The following WDR45B variants were observed in gnomAD, a reference collection of about 807,000 sequenced individuals.
The protein encoded by WDR45B is WD repeat domain phosphoinositide-interacting protein 3.
WDR45B carries 20 observed loss-of-function variants against 44.6 expected under a neutral mutation model. The ratio of observed to expected loss-of-function variants is 0.45; its 90% CI spans 0.32 to 0.65. The LOEUF is 0.65. Among genes scored for constraint, WDR45B ranks in the 30% least tolerant of loss-of-function variants. The pLI is 0.05. For missense variants in WDR45B, 323 were observed against 430.2 expected, an observed-to-expected ratio of 0.75 and a Z score of 2.20; for synonymous variants, 169 against 164.9, an observed-to-expected ratio of 1.02 and a Z score of -0.19.
intron 4 of WDR45B, chr17:82,625,724 C>T (rs950258505): frequency 5.8e-6 from 3 of 516,124 alleles, no homozygotes; most frequent in South Asian, 4.0e-5. Context: ...GCCTAAGAGA[C>T]GTCTCTGAGG....
intron 2 of WDR45B, among the ~76,000 whole-genome samples, chr17:82,643,552 G>A (rs964488681): frequency 1.3e-5 from 2 of 152,086 alleles, no homozygotes; most frequent in African/African-American, 2.4e-5. Flanking sequence ...GATGCAGGCT[G>A]AGGAAATGCA....
At chr17:82,625,355 T>C in intron 5 of WDR45B, 34 bp downstream of exon 5, 1 of 1,604,486 alleles carries the variant, frequency 6.2e-7, no homozygotes, top group South Asian at 1.1e-5. Context: ...TGTGGACCCA[T>C]TTCCCATCGC....
intron 7 of WDR45B, 95 bp from the exon 8 acceptor site, chr17:82,617,492 A>C: frequency 2.4e-6 from 3 of 1,239,850 alleles, no homozygotes; most frequent in Non-Finnish European, 3.5e-6. Flanking sequence ...GGAACACCTC[A>C]ACATTCCCAC....
At position 82,615,742 on chromosome 17, in the gene WDR45B, CTCTT is replaced by C; in HGVS notation, c.*173_*176del. 1.6e-6 allele frequency: 1 copy of C among 643,786 alleles called. No individual in the cohort carries two copies. Among genetic ancestry groups the C allele is most frequent in the Non-Finnish European group, 2.8e-6 (1 of 360,624 alleles). The allele number at this position is 643,786 out of a possible 1,614,324, so 39.9% of individuals were successfully genotyped here. A position where few individuals can be genotyped will look rare whatever the true frequency, so the allele number is the denominator to read the frequency against. ...CCTACGGTGCCTTGATGATGATTCT[CTCTT>C]TAATACTGGAAATGGGAGTCCTTAG... On this transcript the variant is annotated 3_prime_UTR_variant, in exon 10 of 10. Transcript: ENST00000392325.
chr17:82,615,732 T>C lies in WDR45B; in HGVS notation c.*187A>G, dbSNP rs1280816874. 4 of 623,808 alleles carry C rather than the reference T, an allele frequency of 6.4e-6. No individual in the cohort carries two copies. Among genetic ancestry groups the C allele is most frequent in the Non-Finnish European group, 1.1e-5 (4 of 348,742 alleles). 38.6% of individuals were successfully genotyped at this position (623,808 alleles called of 1,614,324 possible). On this transcript the variant is annotated 3_prime_UTR_variant, in exon 10 of 10. Transcript: ENST00000392325. ...CACTGAGTTACCTACGGTGCCTTGA[T>C]GATGATTCTCTCTTTAATACTGGAA...
intron 2 of WDR45B, among the ~76,000 whole-genome samples, chr17:82,639,506 CCT>C (rs1269204281): frequency 6.6e-6 from 1 of 152,062 alleles, no homozygotes; most frequent in Non-Finnish European, 1.5e-5. Context: ...CTACCCACCA[CCT>C]CTGTGTCCTC....
Position 82,621,815 on chromosome 17 carries a change from G to A in WDR45B, c.428-16C>T, listed in dbSNP as rs2045622514. 6.2e-7 allele frequency: 1 copy of A among 1,613,654 alleles called. No homozygotes were observed. Among genetic ancestry groups the A allele is most frequent in the Middle Eastern group, 1.7e-4 (1 of 6,056 alleles). On this transcript the variant is annotated splice_polypyrimidine_tract_variant and intron_variant, in intron 5 of 9. Transcript: ENST00000392325. ...ACACAGAGGCCTGCGTGGAGACAGAGGACACCAATCAAGAACTGCCTTTGA... is the reference window on the plus strand; with the variant it reads ...ACACAGAGGCCTGCGTGGAGACAGAAGACACCAATCAAGAACTGCCTTTGA...
At chr17:82,622,526 A>G (rs1292820712) in intron 5 of WDR45B, among the ~76,000 whole-genome samples, 2 of 152,080 alleles carry the variant, frequency 1.3e-5, no homozygotes, top group Non-Finnish European at 2.9e-5. Context: ...TCCGCCTCCC[A>G]GGTTCACGCC....
chr17:82,621,566 G>C, intron 6 of WDR45B, 43 bp downstream of exon 6: 1 of 1,612,756 alleles, frequency 6.2e-7, no homozygotes, highest in Non-Finnish European at 8.5e-7. Flanking sequence ...TGAGCCTGCT[G>C]CTCCAGGAGG....
intron 3 of WDR45B, chr17:82,629,741 G>A (rs2045744074): frequency 2.0e-6 from 2 of 985,374 alleles, no homozygotes; most frequent in South Asian, 4.7e-5. Flanking sequence ...TGAGAACTGT[G>A]AGCTGGGCCC....
chr17:82,623,484 G>A (rs1227226178), intron 5 of WDR45B, among the ~76,000 whole-genome samples: 5 of 150,980 alleles, frequency 3.3e-5, no homozygotes, highest in African/African-American at 1.2e-4. Flanking sequence ...GGTGGATCAC[G>A]AGGTCAGGAG....
At chr17:82,621,530 C>CT in intron 6 of WDR45B, 79 bp downstream of exon 6, 1 of 1,596,680 alleles carries the variant, frequency 6.3e-7, no homozygotes, top group Non-Finnish European at 8.6e-7. Flanking sequence ...CCTTTTGAGT[C>CT]TTGATACAGG....
intron 9 of WDR45B, 79 bp from the exon 10 acceptor site, chr17:82,616,104 G>A: frequency 7.6e-7 from 1 of 1,317,194 alleles, no homozygotes; most frequent in East Asian, 2.5e-5. Flanking sequence ...GAGCTGAACT[G>A]CAAAGGGCCT....
chr17:82,645,230 G>A (rs2045961217), intron 1 of WDR45B, among the ~76,000 whole-genome samples: 1 of 151,722 alleles, frequency 6.6e-6, no homozygotes, highest in Admixed American at 6.6e-5. Context: ...CCCAGGAGGG[G>A]GAGGTTGCAG....
At chr17:82,641,008 C>G (rs1047027736) in intron 2 of WDR45B, among the ~76,000 whole-genome samples, 2 of 130,456 alleles carry the variant, frequency 1.5e-5, no homozygotes, top group African/African-American at 6.0e-5. Flanking sequence ...CTCTGTCGCC[C>G]AGGATGGAGT....
intron 2 of WDR45B, among the ~76,000 whole-genome samples, chr17:82,639,455 A>C (rs1389667705): frequency 6.6e-6 from 1 of 152,004 alleles, no homozygotes; most frequent in African/African-American, 2.4e-5. Flanking sequence ...ACCTTCTACC[A>C]CCAGGTTACC....
chr17:82,625,924 G>C lies in WDR45B; in HGVS notation c.333-441C>G, dbSNP rs537379889. 3.3e-5 allele frequency: 8 copies of C among 240,562 alleles called. No homozygotes were observed. In the South Asian group the frequency reaches 3.5e-4, roughly 10 times the overall value. The allele number at this position is 240,562 out of a possible 1,614,324, so 14.9% of individuals were successfully genotyped here. A position where few individuals can be genotyped will look rare whatever the true frequency, so the allele number is the denominator to read the frequency against. On this transcript the variant is annotated intron_variant, in intron 4 of 9. Transcript: ENST00000392325. ...TTTATAGATGGAGTCTCACTCTGTC[G>C]CTCAGGCTGGAGTGCAGTGGCACAA... is the stretch of plus-strand genomic sequence containing the variant.
intron 2 of WDR45B, among the ~76,000 whole-genome samples, chr17:82,642,095 C>A (rs562115410): frequency 1.2e-4 from 18 of 152,146 alleles, no homozygotes; most frequent in African/African-American, 3.6e-4. Flanking sequence ...CCTGTCCCCC[C>A]ACACCTTGTT....
chr17:82,616,161 C>T (rs903292914), intron 9 of WDR45B, 136 bp from the exon 10 acceptor site: 1 of 874,546 alleles, frequency 1.1e-6, no homozygotes, highest in Non-Finnish European at 1.8e-6. Context: ...GCCCCAGGGT[C>T]CCCACTGAAT....
Sources: allele counts gnomAD v4.1 joint callset (sites outside exome capture counted in the v4.1 genomes callset), GRCh38; gene constraint gnomAD v4.1.1; transcripts MANE v1.5; gene names NCBI Gene and HGNC (gene_info 2026-07-23, HGNC 2026-07-21).